SEPTIN9: variants seen among roughly 807,000 people sequenced by gnomAD.
SEPTIN9 encodes septin 9.
SEPTIN9 carries 13 observed loss-of-function variants against 56.6 expected under a neutral mutation model. That is an observed-to-expected ratio of 0.23 (90% CI 0.15 to 0.37). SEPTIN9 has a LOEUF of 0.37. SEPTIN9 is among the 10% of genes least tolerant of loss of function. The pLI, the probability that SEPTIN9 is intolerant of heterozygous loss-of-function variation, is 1.00. For synonymous variants in SEPTIN9, 332 were observed against 334.1 expected (o/e 0.99, Z 0.07); for missense variants, 650 against 823.1 (o/e 0.79, Z 2.57).
In SEPTIN9 at chr17:77,402,711, G is replaced by A. The variant is rs570948689; in HGVS notation, c.721+8G>A. The A allele has an allele frequency of 8.3e-6, 13 of 1,572,662 alleles. No homozygotes were observed. Among genetic ancestry groups the A allele is most frequent in the African/African-American group, 1.4e-5 (1 of 73,398 alleles). On this transcript the variant is annotated splice_region_variant and intron_variant, in intron 3 of 11. Coordinates refer to ENST00000427177, the MANE Select transcript of SEPTIN9 (RefSeq NM_001113491.2). This position sits in a 1 kb window ranked among gnomAD's most constrained non-coding sequence, Gnocchi z 6.6. ...CACCCCGGAGCCAGGAGGGTGAGTC[G>A]CAGAGCGCTAGGTCTTGGATGCTGT...
chr17:77,459,690 GC>G (rs1272390200), intron 3 of SEPTIN9, among the ~76,000 whole-genome samples: 2 of 152,052 alleles, frequency 1.3e-5, no homozygotes, highest in Non-Finnish European at 2.9e-5. Flanking sequence ...ACGTCACATG[GC>G]GAGAGAGAGA....
rs1326093338 is a variant in SEPTIN9 at position 77,330,637 on chromosome 17, AACAG to A, written c.76+23444_76+23447del. On this transcript the variant is annotated intron_variant, in intron 2 of 11. Coordinates refer to ENST00000427177, the MANE Select transcript of SEPTIN9 (RefSeq NM_001113491.2). The surrounding 1 kb of genome is among the most constrained non-coding windows in gnomAD (Gnocchi z 4.4). ...GGCACCTGTGCAGCTCACCCTGCAG[AACAG>A]ACAATTTGGTTAAAGCCTAAAGCCT... 1.5e-4 allele frequency among the ~76,000 whole-genome samples: 23 copies of A among 152,236 alleles called. No homozygotes were observed. The highest frequency in any genetic ancestry group is 5.9e-5 in the Non-Finnish European group (4 of 68,038).
intron 3 of SEPTIN9, among the ~76,000 whole-genome samples, chr17:77,481,498 A>G (rs1216433863): frequency 6.6e-6 from 1 of 152,184 alleles, no homozygotes; most frequent in Non-Finnish European, 1.5e-5. Context: ...GGCTCGTTCT[A>G]TGGGATTGAA....
chr17:77,394,352 C>T (rs2035636738), intron 2 of SEPTIN9, among the ~76,000 whole-genome samples: 1 of 152,184 alleles, frequency 6.6e-6, no homozygotes, highest in South Asian at 2.1e-4. Context: ...CTTTTTCCTG[C>T]AGGCTCAGGG....
In SEPTIN9 at chr17:77,400,134, G is replaced by C. The variant is rs965863948; in HGVS notation, c.77-1925G>C. Among the ~76,000 whole-genome samples the C allele has an allele frequency of 6.6e-6, 1 of 152,160 alleles. No homozygotes were observed. Among genetic ancestry groups the C allele is most frequent in the Non-Finnish European group, 1.5e-5 (1 of 68,038 alleles). On this transcript the variant is annotated intron_variant, in intron 2 of 11. Transcript: ENST00000427177. This position sits in a 1 kb window ranked among gnomAD's most constrained non-coding sequence, Gnocchi z 4.1. ...TGGGACTATAGGCGAGTGTCACCAT[G>C]CCCAGCTAATTTTTTATTTTTAGTA...
At chr17:77,479,956 T>C (rs996982921) in intron 3 of SEPTIN9, among the ~76,000 whole-genome samples, 30 of 152,276 alleles carry the variant, frequency 2.0e-4, no homozygotes, top group Admixed American at 7.2e-4. Flanking sequence ...CATGGCCAGA[T>C]GCAGGGCTGT....
chr17:77,415,753 G>A (rs1002787560), intron 3 of SEPTIN9, among the ~76,000 whole-genome samples: 11 of 152,390 alleles, frequency 7.2e-5, no homozygotes, highest in Non-Finnish European at 1.2e-4. Flanking sequence ...GAGCTGACGT[G>A]CGACCAAGGC....
chr17:77,418,999 GGCCTCCCAAA>G (rs768130722), intron 3 of SEPTIN9, among the ~76,000 whole-genome samples: 4 of 152,154 alleles, frequency 2.6e-5, no homozygotes, highest in Admixed American at 6.5e-5. Context: ...CCCATACCCT[GGCCTCCCAAA>G]GCCCAGCCTG....
intron 3 of SEPTIN9, chr17:77,454,013 C>A: frequency 1.0e-6 from 1 of 972,744 alleles, no homozygotes; most frequent in Non-Finnish European, 1.2e-6. Flanking sequence ...CTTTCCCATA[C>A]ACCCCGGATG....
chr17:77,377,359 TC>T (rs34317020), intron 2 of SEPTIN9: 59,564 of 151,686 alleles, frequency 0.39, 12,392 homozygotes, highest in Non-Finnish European at 0.47. Flanking sequence ...TCAGGCCAAA[TC>T]TGTTATCGCA....
chr17:77,394,103 C>T (rs2035628652), intron 2 of SEPTIN9, among the ~76,000 whole-genome samples: 1 of 152,170 alleles, frequency 6.6e-6, no homozygotes, highest in African/African-American at 2.4e-5. Context: ...TGGGCCTCGT[C>T]CCCCAAGTCC....
At position 77,363,521 on chromosome 17, in the gene SEPTIN9, G is replaced by A. The variant is rs546599131; in HGVS notation, c.77-38538G>A. ...TCCTGCCTCAGCCTCCTGAGTAGCTGGGATTACAGGCACCTGCCACCACAC... is the reference window on the plus strand; with the variant it reads ...TCCTGCCTCAGCCTCCTGAGTAGCTAGGATTACAGGCACCTGCCACCACAC... On this transcript the variant is annotated intron_variant, in intron 2 of 11. Transcript: ENST00000427177. Among the ~76,000 whole-genome samples, 148 of 151,524 alleles carry A rather than the reference G, an allele frequency of 9.8e-4. 1 individual carries two copies. The highest frequency in any genetic ancestry group is 3.5e-3 in the African/African-American group (145 of 41,294).
At chr17:77,335,001 T>C (rs984278694) in intron 2 of SEPTIN9, among the ~76,000 whole-genome samples, 3 of 152,226 alleles carry the variant, frequency 2.0e-5, no homozygotes, top group East Asian at 3.9e-4. Context: ...ACTGTATGTG[T>C]GGTCCTATAT....
intron 2 of SEPTIN9, among the ~76,000 whole-genome samples, chr17:77,383,577 G>A (rs1384706441): frequency 1.3e-5 from 2 of 152,228 alleles, no homozygotes; most frequent in African/African-American, 4.8e-5. Flanking sequence ...TCCCGACCCT[G>A]GGGTCTGACG....
At chr17:77,413,957 T>C (rs372390872) in intron 3 of SEPTIN9, among the ~76,000 whole-genome samples, 19 of 78,800 alleles carry the variant, frequency 2.4e-4, no homozygotes, top group African/African-American at 5.3e-4. Flanking sequence ...TTTTTTTTTT[T>C]CCCCTCTCTC....
In SEPTIN9 at chr17:77,451,966, C is replaced by T. The variant is rs1164230487; in HGVS notation, c.722-30178C>T. ...TCAAGTTATCACCCCTCTGGGCTCC[C>T]GAAGACCGGCTGGCTGGAGGCTGGA... On this transcript the variant is annotated intron_variant, in intron 3 of 11. Coordinates refer to ENST00000427177, the MANE Select transcript of SEPTIN9 (RefSeq NM_001113491.2). This position sits in a 1 kb window ranked among gnomAD's most constrained non-coding sequence, Gnocchi z 4.2. Among the ~76,000 whole-genome samples the T allele has an allele frequency of 1.3e-5, 2 of 152,172 alleles. No individual in the cohort carries two copies. Among genetic ancestry groups the T allele is most frequent in the African/African-American group, 4.8e-5 (2 of 41,436 alleles).
chr17:77,305,694 G>T (rs146857302), intron 1 of SEPTIN9, among the ~76,000 whole-genome samples: 4 of 151,800 alleles, frequency 2.6e-5, no homozygotes, highest in Non-Finnish European at 5.9e-5. Context: ...AGGATACACT[G>T]TGCTCATTCT....
chr17:77,392,645 A>T (rs1383174902), intron 2 of SEPTIN9, among the ~76,000 whole-genome samples: 1 of 150,120 alleles, frequency 6.7e-6, no homozygotes, highest in South Asian at 2.1e-4. Context: ...GCAGAGGGGG[A>T]GGGGACTGGG....
chr17:77,497,562 T>C lies in SEPTIN9; in HGVS notation c.1625+196T>C, dbSNP rs2040324590. Reference sequence around the variant, plus strand: ...ACCCACTGGGAAATGAAGCAGGCAGTGAAGATCCTTTTCAACCCCTGCGAA... The same window carrying C: ...ACCCACTGGGAAATGAAGCAGGCAGCGAAGATCCTTTTCAACCCCTGCGAA... On this transcript the variant is annotated intron_variant, in intron 11 of 11. Transcript: ENST00000427177. 1.3e-5 allele frequency: 8 copies of C among 633,404 alleles called. No individual in the cohort carries two copies. The South Asian group carries it at 1.4e-4, about 11-fold the overall frequency. The allele number at this position is 633,404 out of a possible 1,614,324, so 39.2% of individuals were successfully genotyped here.
Sources: allele counts gnomAD v4.1 joint callset (sites outside exome capture counted in the v4.1 genomes callset), GRCh38; gene constraint gnomAD v4.1.1; non-coding constraint Gnocchi (gnomAD v3.1); transcripts MANE v1.5; gene names NCBI Gene and HGNC (gene_info 2026-07-23, HGNC 2026-07-21).